SCLT1: variants seen among roughly 807,000 people sequenced by gnomAD.
SCLT1 encodes sodium channel and clathrin linker 1.
In SCLT1, 78 loss-of-function variants were observed where a neutral mutation model predicts 112.8. The observed-to-expected ratio is 0.69, with a 90% CI of 0.58 to 0.83. SCLT1 has a LOEUF of 0.83. SCLT1 is among the 40% of genes least tolerant of loss of function. The probability of loss-of-function intolerance (pLI) is 0.00; values close to 1 mark genes in which losing one functional copy is unlikely to be tolerated. For synonymous variants in SCLT1, 257 were observed against 254.7 expected (o/e 1.01, Z -0.09); for missense variants, 747 against 770.4 (o/e 0.97, Z 0.36).
At chr4:128,976,877 T>C (rs1741219877) in intron 9 of SCLT1, among the ~76,000 whole-genome samples, 1 of 151,974 alleles carries the variant, frequency 6.6e-6, no homozygotes, top group African/African-American at 2.4e-5. Flanking sequence ...AGATGAGAAA[T>C]AAGACTGTAA....
chr4:129,026,322 T>C (rs1348814546), intron 5 of SCLT1, among the ~76,000 whole-genome samples: 1 of 152,050 alleles, frequency 6.6e-6, no homozygotes, highest in Non-Finnish European at 1.5e-5. Flanking sequence ...TCAGCAAATG[T>C]AAAAGAACGG....
At chr4:129,046,080 G>A (rs564114080) in intron 2 of SCLT1, among the ~76,000 whole-genome samples, 9 of 152,164 alleles carry the variant, frequency 5.9e-5, no homozygotes, top group African/African-American at 1.9e-4. Context: ...ACAGAAGACA[G>A]TACAAATTAT....
chr4:129,024,218 A>T (rs1182573942), intron 5 of SCLT1, among the ~76,000 whole-genome samples: 1 of 152,226 alleles, frequency 6.6e-6, no homozygotes, highest in Non-Finnish European at 1.5e-5. Flanking sequence ...TGGAGATCTG[A>T]GAACGGGCAG....
At position 128,897,245 on chromosome 4, in the gene SCLT1, A is replaced by G. The variant is rs1370008374; in HGVS notation, c.1830-6108T>C. Among the ~76,000 whole-genome samples the G allele has an allele frequency of 2.0e-5, 3 of 152,158 alleles. 1 individual carries two copies. The East Asian group carries it at 5.8e-4, about 29-fold the overall frequency. ...GTCAGATTCACCAAAGTTGAAATGA[A>G]GGAAAAAATGTTAAGGGCAGCCAGA... is the stretch of plus-strand genomic sequence containing the variant. On this transcript the variant is annotated intron_variant, in intron 18 of 20. Transcript: ENST00000281142.
chr4:129,008,086 A>G (rs1052525223), intron 5 of SCLT1, among the ~76,000 whole-genome samples: 1 of 152,158 alleles, frequency 6.6e-6, no homozygotes, highest in African/African-American at 2.4e-5. Context: ...CTCCTCAAAC[A>G]TTTTAAAGCC....
intron 18 of SCLT1, 27 bp downstream of exon 18, chr4:128,936,628 A>G (rs190808641): frequency 5.8e-5 from 82 of 1,412,460 alleles, no homozygotes; most frequent in Non-Finnish European, 3.2e-5. Context: ...TCTGTAAAAC[A>G]TGTCAAACAA....
intron 5 of SCLT1, among the ~76,000 whole-genome samples, chr4:129,027,270 A>C (rs554654363): frequency 0.018 from 2,720 of 152,272 alleles, 34 homozygotes; most frequent in Non-Finnish European, 0.031. Flanking sequence ...TTAGACCAAT[A>C]TCCTTGATGA....
intron 5 of SCLT1, among the ~76,000 whole-genome samples, chr4:129,032,868 C>T (rs892845017): frequency 6.6e-6 from 1 of 152,138 alleles, no homozygotes; most frequent in East Asian, 1.9e-4. Flanking sequence ...AATAGGAATG[C>T]TTTTACACTG....
At chr4:129,017,109 C>G (rs758663447) in intron 5 of SCLT1, among the ~76,000 whole-genome samples, 4 of 151,812 alleles carry the variant, frequency 2.6e-5, no homozygotes, top group Admixed American at 6.6e-5. Flanking sequence ...TCAGGAGTTA[C>G]TTGAAAATAT....
rs149347528 is a variant in SCLT1, at chr4:128,930,234, C to A, written c.1829+6421G>T. On this transcript the variant is annotated intron_variant, in intron 18 of 20. Transcript: ENST00000281142. ...AGACAGCTGCCAAGTCATGAGGATA[C>A]CAAACTTCTCTGTGGAAAGGTCACA... Among the ~76,000 whole-genome samples, 236 of 152,192 alleles carry A rather than the reference C, an allele frequency of 1.6e-3. 2 individuals are homozygous for A. Among genetic ancestry groups the A allele is most frequent in the East Asian group, 0.014 (70 of 5,180 alleles).
At chr4:129,049,073 G>A (rs940778038) in intron 2 of SCLT1, among the ~76,000 whole-genome samples, 4 of 151,814 alleles carry the variant, frequency 2.6e-5, no homozygotes, top group Non-Finnish European at 2.9e-5. Flanking sequence ...TCAGTGTGGC[G>A]ATTCCTCAGG....
chr4:128,880,590 G>A (rs1034939121), downstream of SCLT1, among the ~76,000 whole-genome samples: 2 of 152,082 alleles, frequency 1.3e-5, no homozygotes, highest in Non-Finnish European at 2.9e-5. Context: ...CAAAACCTTT[G>A]AAAAAGACTT....
At chr4:128,911,698 G>A (rs543788708) in intron 18 of SCLT1, among the ~76,000 whole-genome samples, 2 of 152,276 alleles carry the variant, frequency 1.3e-5, no homozygotes, top group South Asian at 2.1e-4. Context: ...TGTCAGTTGC[G>A]AAAAGGTATA....
At chr4:128,981,326 A>G (rs1487754134) in intron 9 of SCLT1, among the ~76,000 whole-genome samples, 3 of 152,188 alleles carry the variant, frequency 2.0e-5, no homozygotes, top group Non-Finnish European at 4.4e-5. Flanking sequence ...TGTTATTGTA[A>G]AATGAATGAA....
intron 12 of SCLT1, among the ~76,000 whole-genome samples, chr4:128,958,122 G>A (rs1739366236): frequency 2.0e-5 from 3 of 151,990 alleles, no homozygotes; most frequent in African/African-American, 7.3e-5. Context: ...TCTTCAATTA[G>A]GCCAAATTGA....
At chr4:128,953,696 G>A (rs918175176) in intron 13 of SCLT1, among the ~76,000 whole-genome samples, 1 of 151,410 alleles carries the variant, frequency 6.6e-6, no homozygotes, top group Non-Finnish European at 1.5e-5. Flanking sequence ...CTACTCGGGA[G>A]GCTATGGCAG....
Position 129,021,937 on chromosome 4 carries a change from G to A in SCLT1, c.290+17104C>T, listed in dbSNP as rs74573897. Among the ~76,000 whole-genome samples the A allele has an allele frequency of 3.8e-3, 578 of 152,258 alleles. 1 individual carries two copies. The highest frequency in any genetic ancestry group is 0.011 in the African/African-American group (474 of 41,540). ...GGAGAGCTCCAGCTGGCATCAGGCC[G>A]GTGACTCTCTGGGATGGAGCAGGTA... On this transcript the variant is annotated intron_variant, in intron 5 of 20. Transcript: ENST00000281142.
rs910812419 is a variant in SCLT1, at chr4:129,040,276, T to C, written c.235-1180A>G. On this transcript the variant is annotated intron_variant, in intron 4 of 20. Coordinates refer to ENST00000281142, the MANE Select transcript of SCLT1 (RefSeq NM_144643.4). ...CAGATAATTGAGCACTGACCATATA[T>C]GGACTGATACAGTGAGAGATAAAAT... The C allele has an allele frequency of 6.6e-5, 46 of 699,728 alleles. No individual in the cohort carries two copies. The Admixed American group carries it at 8.2e-4, about 12-fold the overall frequency. The allele number at this position is 699,728 out of a possible 1,614,324, so 43.3% of individuals were successfully genotyped here. A position where few individuals can be genotyped will look rare whatever the true frequency, so the allele number is the denominator to read the frequency against.
chr4:128,899,359 G>A (rs1734070456), intron 18 of SCLT1, among the ~76,000 whole-genome samples: 1 of 152,170 alleles, frequency 6.6e-6, no homozygotes, highest in Non-Finnish European at 1.5e-5. Flanking sequence ...GGGATGCCAG[G>A]CTGGTTCAAC....
Sources: allele counts gnomAD v4.1 joint callset (sites outside exome capture counted in the v4.1 genomes callset), GRCh38; gene constraint gnomAD v4.1.1; transcripts MANE v1.5; gene names NCBI Gene and HGNC (gene_info 2026-07-23, HGNC 2026-07-21).